C2CD3: variants seen among roughly 807,000 people sequenced by gnomAD.
The protein encoded by C2CD3 is C2 domain-containing protein 3.
C2CD3 carries 148 observed loss-of-function variants against 234.0 expected under a neutral mutation model. The observed-to-expected ratio is 0.63, with a 90% CI of 0.55 to 0.72. The LOEUF (loss-of-function observed/expected upper bound fraction) is 0.72, where lower values mean the gene tolerates loss of function less well. C2CD3 is among the 30% of genes least tolerant of loss of function. The pLI, the probability that C2CD3 is intolerant of heterozygous loss-of-function variation, is 0.00. For missense variants in C2CD3, 2,577 were observed against 2,811.5 expected (o/e 0.92, Z 1.89); for synonymous variants, 1,000 against 1,035.4 (o/e 0.97, Z 0.66).
rs1951745041 is a variant in C2CD3 at position 74,012,898 on chromosome 11, T to C, written c.*487A>G. On this transcript the variant is annotated 3_prime_UTR_variant, in exon 33 of 33. Transcript: ENST00000334126. ...TTCAACACAGCATAAAAATAATTTG[T>C]ATCTATAAAATATCCTTGTTCCCAC... 6.6e-6 allele frequency: 1 copy of C among 152,310 alleles called. No individual in the cohort carries two copies. Among genetic ancestry groups the C allele is most frequent in the African/African-American group, 2.4e-5 (1 of 41,462 alleles). The allele number at this position is 152,310 out of a possible 1,614,324, so 9.4% of individuals were successfully genotyped here. A position where few individuals can be genotyped will look rare whatever the true frequency, so the allele number is the denominator to read the frequency against.
chr11:74,130,149 G>A (rs1487895855), intron 7 of C2CD3, among the ~76,000 whole-genome samples: 1 of 146,316 alleles, frequency 6.8e-6, no homozygotes, highest in Non-Finnish European at 1.5e-5. Flanking sequence ...GAGGGAGAGG[G>A]GAGAGGGGAG....
chr11:74,128,152 C>T (rs1019043743), intron 7 of C2CD3, among the ~76,000 whole-genome samples: 3 of 152,188 alleles, frequency 2.0e-5, no homozygotes, highest in Admixed American at 6.5e-5. Flanking sequence ...CGTGAGCCAC[C>T]ACGCCCAGCC....
chr11:74,085,823 G>A lies in C2CD3; in HGVS notation c.3705C>T (p.Val1235=). Residue 1235 remains valine, a synonymous_variant, in exon 21 of 33, where the codon GTC becomes GTT. Coordinates refer to ENST00000334126, the MANE Select transcript of C2CD3 (RefSeq NM_001286577.2). The part of the protein sequence containing the change: ...FSATVGVNAS[V]TTHLSFLPQG... ...GGGGCAGGAAGGAGAGATGAGTGGTGACAGAGGCATTGACCCCGACTGTGG... is the reference window on the plus strand; with the variant it reads ...GGGGCAGGAAGGAGAGATGAGTGGTAACAGAGGCATTGACCCCGACTGTGG... 6.2e-7 allele frequency: 1 copy of A among 1,614,122 alleles called. No individual in the cohort carries two copies. The highest frequency in any genetic ancestry group is 8.5e-7 in the Non-Finnish European group (1 of 1,180,020).
chr11:74,100,730 T>C, intron 14 of C2CD3, 54 bp from the exon 15 acceptor site: 1 of 1,445,450 alleles, frequency 6.9e-7, no homozygotes, highest in Non-Finnish European at 9.5e-7. Flanking sequence ...GAGACAAATA[T>C]TAATTTATAC....
intron 14 of C2CD3, among the ~76,000 whole-genome samples, chr11:74,101,399 T>C (rs1956310337): frequency 6.6e-6 from 1 of 152,030 alleles, no homozygotes; most frequent in African/African-American, 2.4e-5. Context: ...ATAGAAAACA[T>C]GAGAGGCAAA....
intron 32 of C2CD3, among the ~76,000 whole-genome samples, chr11:74,019,260 C>G (rs1370896771): frequency 2.6e-5 from 4 of 152,210 alleles, no homozygotes; most frequent in African/African-American, 9.6e-5. Flanking sequence ...ACCTGCCCAG[C>G]AGACCTATGA....
chr11:74,120,455 C>T (rs945015596), intron 8 of C2CD3, among the ~76,000 whole-genome samples: 4 of 152,160 alleles, frequency 2.6e-5, no homozygotes, highest in African/African-American at 7.2e-5. Context: ...AAGGACATGA[C>T]CTCATCCTTT....
At chr11:74,017,746 C>A (rs1434021719) in intron 32 of C2CD3, among the ~76,000 whole-genome samples, 1 of 152,206 alleles carries the variant, frequency 6.6e-6, no homozygotes. Flanking sequence ...CGGCCCTTGG[C>A]TCCTTCTCTG....
At chr11:74,144,532 A>G (rs1855034331) in intron 3 of C2CD3, among the ~76,000 whole-genome samples, 1 of 152,194 alleles carries the variant, frequency 6.6e-6, no homozygotes, top group Non-Finnish European at 1.5e-5. Context: ...TCTGGTGTAC[A>G]GATTATTTCA....
chr11:74,078,828 A>G, intron 22 of C2CD3, 111 bp from the exon 23 acceptor site: 1 of 968,532 alleles, frequency 1.0e-6, no homozygotes. Context: ...GACAGAACAG[A>G]AAACATACCC....
intron 3 of C2CD3, among the ~76,000 whole-genome samples, chr11:74,154,532 G>C (rs1363492015): frequency 6.6e-6 from 1 of 152,106 alleles, no homozygotes; most frequent in Non-Finnish European, 1.5e-5. Flanking sequence ...AACTAAAAAA[G>C]ATAAGCTTAT....
chr11:74,081,527 G>T (rs950789509), intron 22 of C2CD3, among the ~76,000 whole-genome samples: 10 of 152,102 alleles, frequency 6.6e-5, no homozygotes, highest in Non-Finnish European at 1.0e-4. Context: ...ACCTGTCAGG[G>T]TTATCATGAA....
At chr11:74,129,301 G>A (rs374665185) in intron 7 of C2CD3, 18 of 170,994 alleles carry the variant, frequency 1.1e-4, no homozygotes, top group East Asian at 7.5e-4. Flanking sequence ...TGGGCGGAGG[G>A]GCTCCTCACT....
intron 31 of C2CD3, among the ~76,000 whole-genome samples, chr11:74,031,540 C>T (rs1294627021): frequency 6.6e-6 from 1 of 152,182 alleles, no homozygotes; most frequent in Non-Finnish European, 1.5e-5. Flanking sequence ...AGGGCAGCTC[C>T]CTCCTCATGG....
rs1591347294 is a variant in C2CD3 at position 74,054,487 on chromosome 11, G to A, written c.5155+120C>T. 10 of 617,638 alleles carry A rather than the reference G, an allele frequency of 1.6e-5. No homozygotes were observed. The East Asian group carries it at 2.8e-4, about 17-fold the overall frequency. 38.3% of individuals were successfully genotyped at this position (617,638 alleles called of 1,614,324 possible). On this transcript the variant is annotated intron_variant, in intron 26 of 32. Coordinates refer to ENST00000334126, the MANE Select transcript of C2CD3 (RefSeq NM_001286577.2). ...CATATCTGCATTCCCAGCACTGTCG[G>A]GAATGCTTCACTTGGTTTGGAAAAA... is the stretch of plus-strand genomic sequence containing the variant.
chr11:74,065,290 G>T (rs1954463172), intron 24 of C2CD3, among the ~76,000 whole-genome samples: 1 of 152,184 alleles, frequency 6.6e-6, no homozygotes, highest in South Asian at 2.1e-4. Context: ...AGACATTTAT[G>T]CAGCCAACAG....
intron 31 of C2CD3, among the ~76,000 whole-genome samples, chr11:74,030,993 T>G (rs1009868185): frequency 9.8e-5 from 15 of 152,314 alleles, no homozygotes; most frequent in African/African-American, 3.6e-4. Context: ...AGGTCAGACT[T>G]TCTTCATCTC....
chr11:74,039,081 T>C (rs912954441), intron 29 of C2CD3, among the ~76,000 whole-genome samples: 2 of 152,222 alleles, frequency 1.3e-5, no homozygotes, highest in Admixed American at 6.5e-5. Flanking sequence ...GTGTACCAAA[T>C]CACTTAGGTG....
rs746505443 is a variant in C2CD3, at chr11:74,132,852, T to C, written c.1209A>G (p.Leu403=). 4 of 1,613,656 alleles carry C rather than the reference T, an allele frequency of 2.5e-6. No homozygotes were observed. The highest frequency in any genetic ancestry group is 1.1e-5 in the South Asian group (1 of 90,972). The change falls in exon 7 of 33, where the codon CTA becomes CTG. Residue 403 remains leucine, a synonymous_variant. Transcript: ENST00000334126. ...TKADTRAIQL[L]LGSAELSQGN... is the part of the protein sequence containing the mutation. ...CAGTTAATAGTGCTTACCTGCCTAA[T>C]AGCAGCTGTATAGCTCTGGTATCAG...
Sources: gnomAD v4.1 joint callset for allele counts (sites outside exome capture counted in the v4.1 genomes callset) on GRCh38, gnomAD v4.1.1 for gene constraint, MANE v1.5 for transcripts, NCBI Gene and HGNC (gene_info 2026-07-23, HGNC 2026-07-21) for gene names.